The following CCDC191 variants were observed in gnomAD, a reference collection of about 807,000 sequenced individuals.
CCDC191 encodes coiled-coil domain-containing protein 191.
A neutral mutation model predicts 114.0 loss-of-function variants in CCDC191; 99 were observed. The ratio of observed to expected loss-of-function variants is 0.87; its 90% CI spans 0.74 to 1.03. CCDC191 has a LOEUF of 1.03. Among genes scored for constraint, CCDC191 ranks in the 50% least tolerant of loss-of-function variants. The pLI, the probability that CCDC191 is intolerant of heterozygous loss-of-function variation, is 0.00. For missense variants in CCDC191, 973 were observed against 1,087.0 expected (o/e 0.90, Z 1.47); for synonymous variants, 351 against 376.0 (o/e 0.93, Z 0.77).
chr3:114,045,345 A>G (rs886315041), intron 3 of CCDC191, among the ~76,000 whole-genome samples: 1 of 151,994 alleles, frequency 6.6e-6, no homozygotes, highest in East Asian at 1.9e-4. Context: ...TTTCTCCCCT[A>G]TAATCCATTC....
At chr3:113,991,258 A>AC (rs368945475) in intron 13 of CCDC191, among the ~76,000 whole-genome samples, 4,842 of 113,798 alleles carry the variant, frequency 0.043, 119 homozygotes, top group South Asian at 0.07. Context: ...AAACAAACAA[A>AC]CCCCCCCCCC....
At chr3:113,992,396 TG>T (rs1160220423) in intron 13 of CCDC191, among the ~76,000 whole-genome samples, 1 of 152,128 alleles carries the variant, frequency 6.6e-6, no homozygotes, top group Non-Finnish European at 1.5e-5. Context: ...TCGAGGAGGC[TG>T]GGAACAGGGA....
chr3:113,976,250 CTT>C (rs1445277703), intron 16 of CCDC191, among the ~76,000 whole-genome samples: 2 of 151,368 alleles, frequency 1.3e-5, no homozygotes, highest in Admixed American at 6.6e-5. Context: ...CAGAGTAAGA[CTT>C]TGTCTCAGGG....
chr3:114,006,768 A>G (rs1322167933), intron 9 of CCDC191, among the ~76,000 whole-genome samples: 1 of 151,846 alleles, frequency 6.6e-6, no homozygotes, highest in East Asian at 1.9e-4. Context: ...AATGAATAAT[A>G]TATCTCTTTT....
chr3:113,987,463 TATGAC>T (rs1303494297), intron 13 of CCDC191, among the ~76,000 whole-genome samples: 2 of 152,116 alleles, frequency 1.3e-5, no homozygotes, highest in Non-Finnish European at 2.9e-5. Flanking sequence ...TACATAAAAA[TATGAC>T]ATGACAACAA....
chr3:114,011,268 C>A (rs1437192382), intron 8 of CCDC191, among the ~76,000 whole-genome samples: 1 of 152,114 alleles, frequency 6.6e-6, no homozygotes, highest in Non-Finnish European at 1.5e-5. Flanking sequence ...GTTCTCATGT[C>A]ACAAGGGCAT....
chr3:114,003,108 T>C (rs946652797), intron 11 of CCDC191: 2 of 985,318 alleles, frequency 2.0e-6, no homozygotes, highest in Admixed American at 6.2e-5. Flanking sequence ...TACCAGGCAT[T>C]TGGAGAACTG....
rs139659907 is a variant in CCDC191 at position 114,044,326 on chromosome 3, C to T, written c.272-1480G>A. On this transcript the variant is annotated intron_variant, in intron 3 of 16. Coordinates refer to ENST00000295878, the MANE Select transcript of CCDC191 (RefSeq NM_020817.2). ...AAGAGTGTGATATCCTGAAAGCTAACCTCCATTTGGATTTCTTTCTTAATG... is the reference window on the plus strand; with the variant it reads ...AAGAGTGTGATATCCTGAAAGCTAATCTCCATTTGGATTTCTTTCTTAATG... Among the ~76,000 whole-genome samples the T allele has an allele frequency of 9.8e-4, 149 of 152,198 alleles. 2 individuals carry two copies. Among genetic ancestry groups the T allele is most frequent in the African/African-American group, 3.4e-3 (142 of 41,528 alleles).
chr3:114,004,856 C>CTGGA, intron 10 of CCDC191, 110 bp from the exon 11 acceptor site: 1 of 1,132,336 alleles, frequency 8.8e-7, no homozygotes, highest in Non-Finnish European at 1.2e-6. Context: ...TCCCTACTCT[C>CTGGA]TGAGATAACT....
intron 13 of CCDC191, among the ~76,000 whole-genome samples, chr3:113,993,257 C>T (rs908645000): frequency 3.3e-5 from 5 of 151,922 alleles, no homozygotes; most frequent in Non-Finnish European, 7.4e-5. Context: ...CATAGTGACA[C>T]CCAGACTCTA....
At chr3:113,997,820 C>A (rs1315454264) in intron 13 of CCDC191, among the ~76,000 whole-genome samples, 1 of 152,096 alleles carries the variant, frequency 6.6e-6, no homozygotes, top group Non-Finnish European at 1.5e-5. Flanking sequence ...TCCTATTGCC[C>A]AGTGATACTG....
At chr3:113,980,891 A>G (rs778868186) in intron 13 of CCDC191, 98 bp from the exon 14 acceptor site, 1 of 1,108,220 alleles carries the variant, frequency 9.0e-7, no homozygotes, top group African/African-American at 1.6e-5. Context: ...GTAACCATTG[A>G]ATGGTGTGTT....
At chr3:114,038,341 A>G (rs1320623329) in intron 4 of CCDC191, among the ~76,000 whole-genome samples, 2 of 152,238 alleles carry the variant, frequency 1.3e-5, no homozygotes, top group Admixed American at 6.5e-5. Context: ...AGGTGGCCCC[A>G]TAAGATTATA....
At chr3:113,985,344 G>A (rs1295067841) in intron 13 of CCDC191, among the ~76,000 whole-genome samples, 1 of 152,164 alleles carries the variant, frequency 6.6e-6, no homozygotes, top group African/African-American at 2.4e-5. Context: ...GCATCTGAGG[G>A]AAGGGGATTC....
At chr3:114,019,110 A>G (rs1015784073) in intron 7 of CCDC191, among the ~76,000 whole-genome samples, 4 of 152,214 alleles carry the variant, frequency 2.6e-5, no homozygotes, top group Non-Finnish European at 5.9e-5. Flanking sequence ...CTTCATTGTC[A>G]TTGTAAGCCA....
chr3:113,995,040 CT>C, intron 13 of CCDC191, among the ~76,000 whole-genome samples: 1 of 152,208 alleles, frequency 6.6e-6, no homozygotes. Flanking sequence ...AAGGACCGAG[CT>C]TTTGACTCCT....
At chr3:114,006,611 T>A (rs996990635) in intron 9 of CCDC191, among the ~76,000 whole-genome samples, 12 of 125,872 alleles carry the variant, frequency 9.5e-5, no homozygotes, top group East Asian at 4.8e-4. Context: ...TATATATATA[T>A]ATATATAAAT....
chr3:114,056,368 T>C lies in CCDC191; in HGVS notation c.90+9A>G. On this transcript the variant is annotated intron_variant, in intron 1 of 16. Coordinates refer to ENST00000295878, the MANE Select transcript of CCDC191 (RefSeq NM_020817.2). ...GTCCCCGCCCTCCAAAGCTCTCGAT[T>C]GGGATCACCTTGGGACTCGGCTTCC... 6.2e-7 allele frequency: 1 copy of C among 1,613,944 alleles called. No homozygotes were observed. Among genetic ancestry groups the C allele is most frequent in the Non-Finnish European group, 8.5e-7 (1 of 1,179,848 alleles).
chr3:114,010,677 A>G (rs2076053482), intron 9 of CCDC191, 95 bp downstream of exon 9: 2 of 1,236,772 alleles, frequency 1.6e-6, no homozygotes, highest in Non-Finnish European at 2.3e-6. Context: ...ATCTTCTGAT[A>G]GCCTAGACAA....
Sources: gnomAD v4.1 joint callset for allele counts (sites outside exome capture counted in the v4.1 genomes callset) on GRCh38, gnomAD v4.1.1 for gene constraint, MANE v1.5 for transcripts, NCBI Gene and HGNC (gene_info 2026-07-23, HGNC 2026-07-21) for gene names.